ENTPD5: variants seen among roughly 807,000 people sequenced by gnomAD.
ENTPD5 encodes the protein ectonucleoside triphosphate diphosphohydrolase 5 (inactive), also known as nucleoside diphosphate phosphatase ENTPD5.
Under a neutral mutation model 60.2 loss-of-function variants are expected in ENTPD5, and 49 were observed. That is an observed-to-expected ratio of 0.81 (90% CI 0.65 to 1.03). The LOEUF is 1.03. Ranked by LOEUF, ENTPD5 falls within the 50% of genes least tolerant of loss-of-function variation. The probability of loss-of-function intolerance (pLI) is 0.00; values close to 1 mark genes in which losing one functional copy is unlikely to be tolerated. For missense variants in ENTPD5, 480 were observed against 507.6 expected, an observed-to-expected ratio of 0.95 and a Z score of 0.52; for synonymous variants, 187 against 185.4, an observed-to-expected ratio of 1.01 and a Z score of -0.07.
At position 73,971,851 on chromosome 14, in the gene ENTPD5, C is replaced by T. The variant is rs777908019; in HGVS notation, c.1084+1G>A. ...CTTCAAGGGCTTCCCCTGACACTTA[C>T]CTTCCCTGGCTTTTCTTTCAAAATC... is the stretch of plus-strand genomic sequence containing the variant. On this transcript the variant is annotated splice_donor_variant, in intron 14 of 15. Coordinates refer to ENST00000334696, the MANE Select transcript of ENTPD5 (RefSeq NM_001249.5). LOFTEE classifies it high-confidence loss of function. The T allele has an allele frequency of 6.2e-7, 1 of 1,604,798 alleles. No individual in the cohort carries two copies.
At chr14:73,972,858 T>C (rs1232182223) in intron 13 of ENTPD5, 26 bp downstream of exon 13, 4 of 1,612,878 alleles carry the variant, frequency 2.5e-6, no homozygotes, top group Non-Finnish European at 3.4e-6. Flanking sequence ...CCTTCCTCTC[T>C]GGACTGACAC....
intron 3 of ENTPD5, among the ~76,000 whole-genome samples, chr14:74,001,056 A>G (rs1343352224): frequency 6.6e-6 from 1 of 151,990 alleles, no homozygotes; most frequent in Non-Finnish European, 1.5e-5. Flanking sequence ...CCCTATCCGT[A>G]TAAAAATTAA....
At position 73,965,112 on chromosome 14, in the gene ENTPD5, A is replaced by G. The variant is rs1337286318; in HGVS notation, c.*1816T>C. 6.6e-6 allele frequency: 1 copy of G among 152,234 alleles called. No individual in the cohort carries two copies. The highest frequency in any genetic ancestry group is 2.4e-5 in the African/African-American group (1 of 41,460). 9.4% of individuals were successfully genotyped at this position (152,234 alleles called of 1,614,324 possible). A position where few individuals can be genotyped will look rare whatever the true frequency, so the allele number is the denominator to read the frequency against. ...TCTAAAGAAATTCCACAATGAATTT[A>G]AAGACAAGAATTTTAGGGACAAGGA... On this transcript the variant is annotated 3_prime_UTR_variant, in exon 16 of 16. Coordinates refer to ENST00000334696, the MANE Select transcript of ENTPD5 (RefSeq NM_001249.5).
chr14:73,957,336 C>T (rs576113715), downstream of ENTPD5, among the ~76,000 whole-genome samples: 4 of 152,234 alleles, frequency 2.6e-5, no homozygotes, highest in African/African-American at 4.8e-5. Context: ...CCACCCACCT[C>T]GGCCTCCCAA....
At chr14:73,955,487 A>G, downstream of ENTPD5, 1 of 1,614,154 alleles carries the variant, frequency 6.2e-7, no homozygotes, top group East Asian at 2.2e-5. Context: ...AACATGAGAT[A>G]CAGAGCCTTT....
intron 3 of ENTPD5, among the ~76,000 whole-genome samples, chr14:73,999,919 C>G (rs538253463): frequency 3.1e-4 from 47 of 151,500 alleles, no homozygotes; most frequent in Non-Finnish European, 6.0e-4. Context: ...GAAACCCCAT[C>G]TCTACCAAAA....
At chr14:74,002,741 T>C (rs1291192781) in intron 3 of ENTPD5, among the ~76,000 whole-genome samples, 1 of 152,186 alleles carries the variant, frequency 6.6e-6, no homozygotes, top group African/African-American at 2.4e-5. Context: ...CCCCTGGAGT[T>C]TGTCTCCTTT....
chr14:74,011,066 A>T (rs1383815246), intron 3 of ENTPD5, 25 bp downstream of exon 3: 1 of 542,402 alleles, frequency 1.8e-6, no homozygotes, highest in African/African-American at 2.1e-5. Flanking sequence ...GAAAAAGTGA[A>T]GTATTACTTA....
At position 73,973,886 on chromosome 14, in the gene ENTPD5, T is replaced by A. The variant is rs1752267705; in HGVS notation, c.877A>T (p.Asn293Tyr). The change falls in exon 12 of 16, where the codon AAC (asparagine) becomes TAC (tyrosine). Residue 293 changes from asparagine to tyrosine, a missense_variant. Asn to Tyr is a moderately radical substitution (Grantham distance 143). Transcript: ENST00000334696. The part of the protein sequence containing the change: ...FGGVKYQYGG[N>Y]QEGEVGFEPC... ...AAAAAACATCACTTGCCTTCTTGGT[T>A]GCCACCATACTGGTATTTCACACCC... 1.9e-6 allele frequency: 3 copies of A among 1,613,912 alleles called. No individual in the cohort carries two copies. Among genetic ancestry groups the A allele is most frequent in the Non-Finnish European group, 2.5e-6 (3 of 1,179,760 alleles).
At chr14:73,963,227 C>T (rs1054912272), downstream of ENTPD5, 6 of 580,284 alleles carry the variant, frequency 1.0e-5, no homozygotes, top group Admixed American at 1.0e-4. Flanking sequence ...GGAAGACTTA[C>T]AATTTGGTTG....
At chr14:73,963,118 T>C (rs1434768168), downstream of ENTPD5, 2 of 916,574 alleles carry the variant, frequency 2.2e-6, no homozygotes, top group Admixed American at 1.9e-5. Context: ...TAAAATTCTC[T>C]TTTTCTTCTT....
intron 15 of ENTPD5, among the ~76,000 whole-genome samples, chr14:73,968,297 A>G (rs2057071292): frequency 6.6e-6 from 1 of 152,126 alleles, no homozygotes; most frequent in Non-Finnish European, 1.5e-5. Context: ...TTTTCTTCAG[A>G]ATTTTAGGGG....
chr14:73,971,260 C>T (rs2057214177), intron 14 of ENTPD5, among the ~76,000 whole-genome samples: 1 of 151,690 alleles, frequency 6.6e-6, no homozygotes, highest in African/African-American at 2.4e-5. Context: ...CAGGTTCAAG[C>T]GATTCTCCTA....
In ENTPD5 at chr14:73,987,093, T is replaced by A. The variant is rs765899572; in HGVS notation, c.218-200A>T. 74 of 704,524 alleles carry A rather than the reference T, an allele frequency of 1.1e-4. 2 individuals carry two copies. Among genetic ancestry groups the A allele is most frequent in the South Asian group, 1.0e-3 (71 of 67,634 alleles). The allele number at this position is 704,524 out of a possible 1,614,324, so 43.6% of individuals were successfully genotyped here. A position where few individuals can be genotyped will look rare whatever the true frequency, so the allele number is the denominator to read the frequency against. On this transcript the variant is annotated intron_variant, in intron 4 of 15. Coordinates refer to ENST00000334696, the MANE Select transcript of ENTPD5 (RefSeq NM_001249.5). The stretch of plus-strand genomic sequence containing the variant: ...CTCTGAGGGTCCATTTCTGCTACCA[T>A]TTCTCTGGTGGACACCTAACTCCTC...
chr14:73,959,398 G>A (rs2056600758), downstream of ENTPD5: 2 of 1,614,144 alleles, frequency 1.2e-6, no homozygotes, highest in Non-Finnish European at 1.7e-6. Flanking sequence ...GTTGGTATTG[G>A]TGTTCTTTTG....
chr14:73,965,157 A>G lies in ENTPD5; in HGVS notation c.*1771T>C, dbSNP rs1407438611. 6.6e-6 allele frequency: 1 copy of G among 152,232 alleles called. No individual in the cohort carries two copies. Among genetic ancestry groups the G allele is most frequent in the East Asian group, 1.9e-4 (1 of 5,198 alleles). 9.4% of individuals were successfully genotyped at this position (152,232 alleles called of 1,614,324 possible). A position where few individuals can be genotyped will look rare whatever the true frequency, so the allele number is the denominator to read the frequency against. ...CAAGGATACAGAAATTTGCCTAGTA[A>G]CTTGCACACAGCAGATGGTAAATAT... On this transcript the variant is annotated 3_prime_UTR_variant, in exon 16 of 16. Transcript: ENST00000334696.
chr14:73,972,771 A>C lies in ENTPD5; in HGVS notation c.1027+113T>G, dbSNP rs2057280195. The C allele has an allele frequency of 2.4e-6, 3 of 1,261,790 alleles. No individual in the cohort carries two copies. The East Asian group carries it at 7.1e-5, about 30-fold the overall frequency. The allele number at this position is 1,261,790 out of a possible 1,614,324, so 78.2% of individuals were successfully genotyped here. A position where few individuals can be genotyped will look rare whatever the true frequency, so the allele number is the denominator to read the frequency against. ...CCACCCTTTTGTTCGAGTGACTAGAAAAGAGGTGGGTAATCACCCCGACAA... is the reference window on the plus strand; with the variant it reads ...CCACCCTTTTGTTCGAGTGACTAGACAAGAGGTGGGTAATCACCCCGACAA... On this transcript the variant is annotated intron_variant, in intron 13 of 15. Coordinates refer to ENST00000334696, the MANE Select transcript of ENTPD5 (RefSeq NM_001249.5).
At chr14:73,970,860 C>G (rs2057192610) in intron 14 of ENTPD5, among the ~76,000 whole-genome samples, 1 of 151,688 alleles carries the variant, frequency 6.6e-6, no homozygotes, top group South Asian at 2.1e-4. Context: ...AGGTCTCATG[C>G]TGTCACCCAG....
At chr14:73,987,855 AG>A in intron 4 of ENTPD5, 30 bp downstream of exon 4, 1 of 1,606,304 alleles carries the variant, frequency 6.2e-7, no homozygotes, top group Non-Finnish European at 8.5e-7. Flanking sequence ...GTGGATTTAC[AG>A]ACTCTACTAA....
Sources: gnomAD v4.1 joint callset for allele counts (sites outside exome capture counted in the v4.1 genomes callset) on GRCh38, gnomAD v4.1.1 for gene constraint, MANE v1.5 for transcripts, NCBI Gene and HGNC (gene_info 2026-07-23, HGNC 2026-07-21) for gene names.